The following TP63 variants were observed in gnomAD, a reference collection of about 807,000 sequenced individuals.
The protein encoded by TP63 is tumor protein p63, also known as tumor protein 63.
In TP63, 17 loss-of-function variants were observed where a neutral mutation model predicts 82.8. The observed-to-expected ratio is 0.21, with a 90% CI of 0.14 to 0.31. TP63 has a LOEUF of 0.31. TP63 is among the 10% of genes least tolerant of loss of function. The probability of loss-of-function intolerance (pLI) is 1.00; values close to 1 mark genes in which losing one functional copy is unlikely to be tolerated. For synonymous variants in TP63, 330 were observed against 321.7 expected (o/e 1.03, Z -0.28); for missense variants, 648 against 895.3 (o/e 0.72, Z 3.52).
At chr3:189,654,747 A>G (rs566541558) in intron 1 of TP63, among the ~76,000 whole-genome samples, 1 of 152,376 alleles carries the variant, frequency 6.6e-6, no homozygotes, top group Admixed American at 6.5e-5. Context: ...TGACCCAGTT[A>G]TGTAGAAATT....
chr3:189,603,021 C>G, the TP63 span, among the ~76,000 whole-genome samples: 5 of 152,112 alleles, frequency 3.3e-5, no homozygotes, highest in Non-Finnish European at 7.4e-5. Context: ...TTATAAACTT[C>G]TCAGCTGCAC....
chr3:189,656,738 G>A (rs1713405129), intron 1 of TP63, among the ~76,000 whole-genome samples: 1 of 152,044 alleles, frequency 6.6e-6, no homozygotes, highest in South Asian at 2.1e-4. Flanking sequence ...GATTTCCAAA[G>A]CCTGAGGACC....
chr3:189,771,437 A>G (rs1051315642), intron 3 of TP63, among the ~76,000 whole-genome samples: 1 of 141,540 alleles, frequency 7.1e-6, no homozygotes, highest in Non-Finnish European at 1.5e-5. Flanking sequence ...ATAAATCTAT[A>G]ATATAAATGT....
intron 3 of TP63, among the ~76,000 whole-genome samples, chr3:189,740,438 T>TA (rs1005861831): frequency 6.6e-6 from 1 of 152,142 alleles, no homozygotes; most frequent in Non-Finnish European, 1.5e-5. Flanking sequence ...TTAAAGAAGT[T>TA]AAAAAATGAA....
At chr3:189,846,411 A>T (rs915398415) in intron 4 of TP63, among the ~76,000 whole-genome samples, 1 of 152,138 alleles carries the variant, frequency 6.6e-6, no homozygotes, top group Non-Finnish European at 1.5e-5. Flanking sequence ...GTTCATGTGG[A>T]TGGCCAAAAC....
chr3:189,857,758 A>G (rs756000057), intron 4 of TP63, among the ~76,000 whole-genome samples: 3 of 152,206 alleles, frequency 2.0e-5, no homozygotes, highest in Admixed American at 2.0e-4. Context: ...AATGCCCAAT[A>G]TCACTAATCA....
intron 4 of TP63, among the ~76,000 whole-genome samples, chr3:189,855,357 CTTAAT>C (rs1464661101): frequency 2.6e-5 from 4 of 152,212 alleles, no homozygotes; most frequent in African/African-American, 7.2e-5. Context: ...AAGCAGCTTA[CTTAAT>C]TTAAAGAAAT....
Position 189,894,272 on chromosome 3 carries a change from C to T in TP63, c.1813C>T (p.Arg605Trp), listed in dbSNP as rs777373892. 7 of 1,613,940 alleles carry T rather than the reference C, an allele frequency of 4.3e-6. No individual in the cohort carries two copies. Among genetic ancestry groups the T allele is most frequent in the South Asian group, 1.1e-5 (1 of 91,082 alleles). ...HAIWKGILDH[R>W]QLHEFSSPSH... ...GATCTGGAAGGGCATCCTGGACCAC[C>T]GGCAGCTCCACGAATTCTCCTCCCC... The change falls in exon 14 of 14, where the codon CGG (arginine) becomes TGG (tryptophan). Residue 605 changes from arginine to tryptophan, a missense_variant. Coordinates refer to ENST00000264731, the MANE Select transcript of TP63 (RefSeq NM_003722.5).
intron 10 of TP63, among the ~76,000 whole-genome samples, chr3:189,885,011 T>C (rs1393984314): frequency 6.6e-6 from 1 of 152,200 alleles, no homozygotes; most frequent in African/African-American, 2.4e-5. Flanking sequence ...GGAACCTGGG[T>C]CCATTTACAG....
intron 4 of TP63, among the ~76,000 whole-genome samples, chr3:189,820,647 A>G (rs1273836933): frequency 2.6e-5 from 4 of 152,192 alleles, no homozygotes; most frequent in Admixed American, 2.6e-4. Flanking sequence ...CAGAAGTACA[A>G]TGCACGCATT....
chr3:189,861,608 C>G (rs1160924045), intron 4 of TP63, among the ~76,000 whole-genome samples: 1 of 152,182 alleles, frequency 6.6e-6, no homozygotes, highest in Non-Finnish European at 1.5e-5. Context: ...AACTCTATCA[C>G]TTGCTGCCTC....
chr3:189,713,788 G>T (rs1159422655), intron 1 of TP63, among the ~76,000 whole-genome samples: 1 of 151,750 alleles, frequency 6.6e-6, no homozygotes, highest in Non-Finnish European at 1.5e-5. Flanking sequence ...TTTTATAATT[G>T]ATGCTTTTAT....
At chr3:189,606,589 C>G in the TP63 span, among the ~76,000 whole-genome samples, 2 of 134,562 alleles carry the variant, frequency 1.5e-5, no homozygotes, top group Non-Finnish European at 3.1e-5. Flanking sequence ...TCTTGGTTCA[C>G]TGCAACCTCT....
chr3:189,759,342 T>C (rs1323073385), intron 3 of TP63, among the ~76,000 whole-genome samples: 4 of 152,312 alleles, frequency 2.6e-5, no homozygotes, highest in Non-Finnish European at 5.9e-5. Flanking sequence ...ATTTAGTATA[T>C]ATTTTTATGG....
rs576530590 is a variant in TP63, at chr3:189,765,433, C to CTTTTTTTTTTTT, written c.324+26669_324+26680dup. Among the ~76,000 whole-genome samples the CTTTTTTTTTTTT allele has an allele frequency of 9.4e-3, 284 of 30,088 alleles. 122 individuals are homozygous for CTTTTTTTTTTTT. The highest frequency in any genetic ancestry group is 0.016 in the African/African-American group (133 of 8,066). 19.7% of individuals were successfully genotyped at this position (30,088 alleles called of 152,430 possible). A position where few individuals can be genotyped will look rare whatever the true frequency, so the allele number is the denominator to read the frequency against. ...GGCTTTGTAAATATCCTGTCCTCTG[C>CTTTTTTTTTTTT]TTTTTTTTTTTTTTTTTTTTTGAGA... On this transcript the variant is annotated intron_variant, in intron 3 of 13. Coordinates refer to ENST00000264731, the MANE Select transcript of TP63 (RefSeq NM_003722.5).
intron 3 of TP63, among the ~76,000 whole-genome samples, chr3:189,766,892 A>G (rs889675168): frequency 5.9e-5 from 9 of 152,204 alleles, no homozygotes; most frequent in African/African-American, 2.2e-4. Flanking sequence ...TTGGAGTGAC[A>G]GGGATTAAAC....
chr3:189,693,990 G>T lies in TP63; in HGVS notation c.63-43750G>T, dbSNP rs141379044. 8.3e-4 allele frequency among the ~76,000 whole-genome samples: 127 copies of T among 152,272 alleles called. 1 individual carries two copies. Among genetic ancestry groups the T allele is most frequent in the African/African-American group, 2.9e-3 (122 of 41,572 alleles). Reference sequence around the variant, plus strand: ...ATATTGTTTTATGCATTCAAAAGATGTACATGAAATTATCTAAACTATCTG... The same window carrying T: ...ATATTGTTTTATGCATTCAAAAGATTTACATGAAATTATCTAAACTATCTG... On this transcript the variant is annotated intron_variant, in intron 1 of 13. Transcript: ENST00000264731.
intron 1 of TP63, among the ~76,000 whole-genome samples, chr3:189,672,822 G>GT (rs569576504): frequency 4.7e-4 from 71 of 152,058 alleles, no homozygotes; most frequent in African/African-American, 1.2e-3. Context: ...CCAACAATTG[G>GT]TTTTTTTAAC....
chr3:189,612,453 C>A, the TP63 span, among the ~76,000 whole-genome samples: 1 of 152,216 alleles, frequency 6.6e-6, no homozygotes, highest in Admixed American at 6.5e-5. Flanking sequence ...GATTCTGAGG[C>A]CTTCCCAGCC....
Sources: gnomAD v4.1 joint callset for allele counts (sites outside exome capture counted in the v4.1 genomes callset) on GRCh38, gnomAD v4.1.1 for gene constraint, MANE v1.5 for transcripts, NCBI Gene and HGNC (gene_info 2026-07-23, HGNC 2026-07-21) for gene names.